Variants in SLC38A8 observed in about 807,000 individuals in gnomAD.
SLC38A8 encodes amino acid transporter SLC38A8.
In SLC38A8, 65 loss-of-function variants were observed where a neutral mutation model predicts 46.0. That is an observed-to-expected ratio of 1.41 (90% confidence interval 1.16 to 1.74). The LOEUF is 1.74. SLC38A8 is among the 40% of genes most tolerant of loss of function. The pLI is 0.00. For missense variants in SLC38A8, 998 were observed against 567.9 expected, an observed-to-expected ratio of 1.76 and a Z score of -7.70; for synonymous variants, 447 against 243.7, an observed-to-expected ratio of 1.83 and a Z score of -7.77.
chr16:84,023,133 C>T (rs533579142), intron 6 of SLC38A8, among the ~76,000 whole-genome samples: 78 of 149,584 alleles, frequency 5.2e-4, no homozygotes, highest in Non-Finnish European at 1.0e-3. Flanking sequence ...AATACAAGCT[C>T]GCATTCCTTT....
intron 10 of SLC38A8, among the ~76,000 whole-genome samples, chr16:84,012,637 C>T (rs890186336): frequency 6.6e-6 from 1 of 152,176 alleles, no homozygotes; most frequent in African/African-American, 2.4e-5. Context: ...GGTGTCTGGC[C>T]GGCCATGGGG....
At chr16:84,022,687 G>C (rs1011278471) in intron 7 of SLC38A8, 88 bp downstream of exon 7, 3 of 1,023,194 alleles carry the variant, frequency 2.9e-6, no homozygotes, top group African/African-American at 3.2e-5. Flanking sequence ...CCCAGCACGT[G>C]GTAAACTCTC....
intron 6 of SLC38A8, among the ~76,000 whole-genome samples, chr16:84,026,638 C>G (rs539415043): frequency 6.6e-6 from 1 of 152,318 alleles, no homozygotes; most frequent in East Asian, 1.9e-4. Flanking sequence ...GAAGACGACA[C>G]AGTGGCCAAA....
chr16:84,022,688 G>T, intron 7 of SLC38A8, 87 bp downstream of exon 7: 1 of 1,037,882 alleles, frequency 9.6e-7, no homozygotes, highest in Non-Finnish European at 1.5e-6. Flanking sequence ...CCAGCACGTG[G>T]TAAACTCTCT....
At chr16:84,032,631 C>T (rs1459617480) in intron 4 of SLC38A8, among the ~76,000 whole-genome samples, 3 of 152,232 alleles carry the variant, frequency 2.0e-5, no homozygotes, top group African/African-American at 7.2e-5. Context: ...AGGGGACAAG[C>T]CGCCCCCTGG....
intron 10 of SLC38A8, among the ~76,000 whole-genome samples, chr16:84,012,410 T>C (rs902227658): frequency 6.6e-6 from 1 of 152,222 alleles, no homozygotes; most frequent in African/African-American, 2.4e-5. Flanking sequence ...AATTATCTGG[T>C]CTCAACAGCA....
At position 84,042,051 on chromosome 16, in the gene SLC38A8, G is replaced by T; in HGVS notation, c.107C>A (p.Ser36Tyr). The change falls in exon 2 of 11, where the codon TCC becomes TAC. Residue 36 changes from serine (S) to tyrosine (Y), a missense_variant. Coordinates refer to ENST00000299709, the MANE Select transcript of SLC38A8 (RefSeq NM_001080442.3). ...GTTGAGCAGGCCAGCTCCCAGCGCG[G>T]ACTTCATGAGGATGAAGACAGCGCC... ...SMGAVFILMK[S>Y]ALGAGLLNFP... 1.9e-6 allele frequency: 3 copies of T among 1,614,040 alleles called. No homozygotes were observed. Among genetic ancestry groups the T allele is most frequent in the Non-Finnish European group, 2.5e-6 (3 of 1,180,014 alleles).
At chr16:84,028,308 C>T (rs1309009145) in intron 6 of SLC38A8, among the ~76,000 whole-genome samples, 1 of 152,032 alleles carries the variant, frequency 6.6e-6, no homozygotes, top group African/African-American at 2.4e-5. Flanking sequence ...TGGCCAGGCA[C>T]GGTGGCTCAC....
intron 7 of SLC38A8, among the ~76,000 whole-genome samples, chr16:84,017,631 G>C (rs777741339): frequency 1.3e-4 from 20 of 152,272 alleles, no homozygotes; most frequent in Middle Eastern, 6.8e-3. Context: ...TCACTCCTAC[G>C]ACATCTAAAG....
intron 2 of SLC38A8, 86 bp from the exon 3 acceptor site, chr16:84,036,986 C>T: frequency 1.5e-6 from 2 of 1,339,658 alleles, no homozygotes; most frequent in Non-Finnish European, 2.1e-6. Context: ...ACACTCTCCA[C>T]ATGGCTTCTC....
chr16:84,026,744 C>T (rs757678511), intron 6 of SLC38A8, among the ~76,000 whole-genome samples: 2 of 152,194 alleles, frequency 1.3e-5, no homozygotes, highest in African/African-American at 2.4e-5. Flanking sequence ...AGGGTGGCTA[C>T]AACATGGATG....
intron 6 of SLC38A8, among the ~76,000 whole-genome samples, chr16:84,024,767 G>A (rs138477002): frequency 0.011 from 1,701 of 151,910 alleles, 29 homozygotes; most frequent in African/African-American, 0.039. Context: ...TTGGCTCGCC[G>A]CAACCTCCGC....
chr16:84,012,317 A>C (rs184154867), intron 10 of SLC38A8, among the ~76,000 whole-genome samples: 5 of 152,218 alleles, frequency 3.3e-5, no homozygotes, highest in African/African-American at 1.2e-4. Context: ...TCAGCTGCTC[A>C]GTGGCAAAGT....
chr16:84,026,985 C>T (rs1020625107), intron 6 of SLC38A8, among the ~76,000 whole-genome samples: 1 of 152,168 alleles, frequency 6.6e-6, no homozygotes, highest in Non-Finnish European at 1.5e-5. Flanking sequence ...TACTAAAATC[C>T]ATTGCACTGC....
chr16:84,026,785 C>T (rs1198039431), intron 6 of SLC38A8, among the ~76,000 whole-genome samples: 2 of 152,206 alleles, frequency 1.3e-5, no homozygotes, highest in African/African-American at 4.8e-5. Flanking sequence ...GGAGGGAAGC[C>T]TGTCTTAAAA....
At chr16:84,029,352 G>T (rs559729520) in intron 6 of SLC38A8, 142 bp downstream of exon 6, 40 of 759,622 alleles carry the variant, frequency 5.3e-5, no homozygotes, top group Non-Finnish European at 7.4e-5. Context: ...GGAACCACAG[G>T]TGGGCGGCAC....
chr16:84,011,813 G>A (rs966247036), intron 10 of SLC38A8, among the ~76,000 whole-genome samples: 5 of 152,190 alleles, frequency 3.3e-5, no homozygotes, highest in South Asian at 2.1e-4. Flanking sequence ...GAGCCCAGGG[G>A]GTTGAGGCTG....
rs752200232 is a variant in SLC38A8 at position 84,016,714 on chromosome 16, C to T, written c.967G>A (p.Asp323Asn). The change falls in exon 9 of 11, where the codon GAC becomes AAC. Residue 323 changes from aspartate to asparagine, a missense_variant. Physicochemically the swap from Asp to Asn is conservative, Grantham distance 23. Coordinates refer to ENST00000299709, the MANE Select transcript of SLC38A8 (RefSeq NM_001080442.3). ...VLFLGRSVMQ[D>N]FWRRSCLGGW... Reference sequence around the variant, plus strand: ...CCCAAGCAGCTCCTCCTCCAGAAGTCCTGCATCACTGACCTGGAGGCCACA... The same window carrying T: ...CCCAAGCAGCTCCTCCTCCAGAAGTTCTGCATCACTGACCTGGAGGCCACA... 9 of 1,612,618 alleles carry T rather than the reference C, an allele frequency of 5.6e-6. No homozygotes were observed. In the Admixed American group the frequency reaches 1.5e-4, roughly 27 times the overall value.
intron 2 of SLC38A8, among the ~76,000 whole-genome samples, chr16:84,037,627 G>A (rs942879182): frequency 1.3e-5 from 2 of 151,964 alleles, no homozygotes; most frequent in Non-Finnish European, 1.5e-5. Flanking sequence ...CAAGCATGGT[G>A]GCAGATGCCT....
Sources: gnomAD v4.1 joint callset for allele counts (sites outside exome capture counted in the v4.1 genomes callset) on GRCh38, gnomAD v4.1.1 for gene constraint, MANE v1.5 for transcripts, NCBI Gene and HGNC (gene_info 2026-07-23, HGNC 2026-07-21) for gene names.